The following CEP63 variants were observed in gnomAD, a reference collection of about 807,000 sequenced individuals.
CEP63 encodes the protein centrosomal protein of 63 kDa.
In CEP63, 84 loss-of-function variants were observed where a neutral mutation model predicts 89.1. The ratio of observed to expected loss-of-function variants is 0.94; its 90% CI spans 0.79 to 1.13. The LOEUF is 1.13. Ranked by LOEUF, CEP63 falls within the 50% of genes most tolerant of loss-of-function variation. CEP63 has a pLI of 0.00. For synonymous variants in CEP63, 267 were observed against 272.5 expected, an observed-to-expected ratio of 0.98 and a Z score of 0.20; for missense variants, 838 against 813.3, an observed-to-expected ratio of 1.03 and a Z score of -0.37.
chr3:134,656,190 A>G, the CEP63 span, among the ~76,000 whole-genome samples: 4 of 152,206 alleles, frequency 2.6e-5, no homozygotes, highest in Non-Finnish European at 4.4e-5. Context: ...AGGAGGGGCC[A>G]GGAAGGCTAC....
At chr3:134,667,517 G>A in the CEP63 span, among the ~76,000 whole-genome samples, 1 of 152,234 alleles carries the variant, frequency 6.6e-6, no homozygotes, top group East Asian at 1.9e-4. Flanking sequence ...TGGGTGAAAG[G>A]ACAAGGAATT....
chr3:134,615,992 A>G, the CEP63 span, among the ~76,000 whole-genome samples: 2 of 152,332 alleles, frequency 1.3e-5, no homozygotes, highest in Non-Finnish European at 2.9e-5. Context: ...GCTTTATCCA[A>G]CGTCTCTGAA....
the CEP63 span, among the ~76,000 whole-genome samples, chr3:134,688,348 A>T: frequency 6.6e-6 from 1 of 152,256 alleles, no homozygotes; most frequent in Non-Finnish European, 1.5e-5. Flanking sequence ...ATCTGTAGAG[A>T]CAGAAAGTAG....
intron 8 of CEP63, 138 bp downstream of exon 8, chr3:134,546,426 T>C: frequency 1.3e-6 from 1 of 776,712 alleles, no homozygotes; most frequent in African/African-American, 1.8e-5. Flanking sequence ...TGGTGCAATC[T>C]CAGCTCACTG....
the CEP63 span, among the ~76,000 whole-genome samples, chr3:134,595,829 G>C: frequency 6.6e-6 from 1 of 152,124 alleles, no homozygotes; most frequent in Non-Finnish European, 1.5e-5. Context: ...GATCAGCCTT[G>C]AGGACAACTG....
At chr3:134,658,556 A>G in the CEP63 span, among the ~76,000 whole-genome samples, 1 of 152,202 alleles carries the variant, frequency 6.6e-6, no homozygotes, top group African/African-American at 2.4e-5. Context: ...AAAGTGCTCA[A>G]CAAATGTTTG....
At chr3:134,651,227 CG>C in the CEP63 span, 2 of 1,271,468 alleles carry the variant, frequency 1.6e-6, no homozygotes, top group Non-Finnish European at 2.0e-6. Context: ...TGACCTGCAC[CG>C]GGGCCATAGT....
At chr3:134,762,398 G>A in the CEP63 span, among the ~76,000 whole-genome samples, 1 of 152,136 alleles carries the variant, frequency 6.6e-6, no homozygotes, top group Non-Finnish European at 1.5e-5. Flanking sequence ...CATGTGAGTG[G>A]GGCTGGGGGA....
rs796229720 is a variant in CEP63 at position 134,510,369 on chromosome 3, C to T, written c.222+3083C>T. ...GCCAGTGAAGCAGCAGGCACTGCTG[C>T]ATGTCATAGTCTAACACCTGCAATC... On this transcript the variant is annotated intron_variant, in intron 3 of 14. Coordinates refer to ENST00000675561, the MANE Select transcript of CEP63 (RefSeq NM_001353108.3). 4.9e-4 allele frequency among the ~76,000 whole-genome samples: 75 copies of T among 152,318 alleles called. 1 individual carries two copies. The highest frequency in any genetic ancestry group is 1.6e-3 in the African/African-American group (67 of 41,586).
At chr3:134,487,429 T>C (rs552417214) in intron 1 of CEP63, among the ~76,000 whole-genome samples, 147 of 152,336 alleles carry the variant, frequency 9.6e-4, no homozygotes, top group Middle Eastern at 3.4e-3. Context: ...GTAAAAATTG[T>C]GTATGTTGAT....
chr3:134,714,130 A>G, the CEP63 span, among the ~76,000 whole-genome samples: 16 of 152,200 alleles, frequency 1.1e-4, no homozygotes. Flanking sequence ...ACTGCAAGTT[A>G]TGGAGAAAAT....
chr3:134,568,984 G>A (rs1289496981), downstream of CEP63, among the ~76,000 whole-genome samples: 2 of 152,142 alleles, frequency 1.3e-5, no homozygotes, highest in African/African-American at 4.8e-5. Context: ...CTTACATGGA[G>A]GGCAGCAGGC....
At chr3:134,766,080 T>G in the CEP63 span, among the ~76,000 whole-genome samples, 1 of 152,196 alleles carries the variant, frequency 6.6e-6, no homozygotes, top group South Asian at 2.1e-4. Flanking sequence ...AATCAACTTG[T>G]GTGGGAAGAA....
the CEP63 span, among the ~76,000 whole-genome samples, chr3:134,623,340 C>T: frequency 6.6e-6 from 1 of 152,144 alleles, no homozygotes; most frequent in Admixed American, 6.5e-5. Context: ...CACCCACTTT[C>T]CTCATTCACA....
the CEP63 span, among the ~76,000 whole-genome samples, chr3:134,698,457 G>A: frequency 2.6e-5 from 4 of 152,072 alleles, no homozygotes; most frequent in Non-Finnish European, 5.9e-5. Context: ...GGGCATGGAG[G>A]GGCTGCCGTC....
the CEP63 span, among the ~76,000 whole-genome samples, chr3:134,616,972 G>A: frequency 6.6e-6 from 1 of 152,142 alleles, no homozygotes; most frequent in African/African-American, 2.4e-5. Context: ...AGAGGTTAAG[G>A]GCCTTACCAC....
chr3:134,742,778 C>T, the CEP63 span, among the ~76,000 whole-genome samples: 1 of 152,200 alleles, frequency 6.6e-6, no homozygotes, highest in African/African-American at 2.4e-5. Context: ...GGGTTCTCTC[C>T]CTTGCCCATC....
rs573888020 is a variant in CEP63, at chr3:134,582,231, C to T, written c.1207-5227C>T. Among the ~76,000 whole-genome samples, 352 of 152,094 alleles carry T rather than the reference C, an allele frequency of 2.3e-3. 2 individuals carry two copies. Among genetic ancestry groups the T allele is most frequent in the African/African-American group, 7.9e-3 (327 of 41,486 alleles). On this transcript the variant is annotated intron_variant, in intron 10 of 10. Transcript: ENST00000683931. ...TTCTAGGGTAGATGTGCACAACGTG[C>T]AGATCTGCCACATAGGTATACATGT...
the CEP63 span, among the ~76,000 whole-genome samples, chr3:134,644,528 C>T: frequency 6.6e-6 from 1 of 152,270 alleles, no homozygotes; most frequent in East Asian, 1.9e-4. Flanking sequence ...CTGGAGGTTC[C>T]CCCACCACTA....
Sources: gnomAD v4.1 joint callset for allele counts (sites outside exome capture counted in the v4.1 genomes callset) on GRCh38, gnomAD v4.1.1 for gene constraint, MANE v1.5 for transcripts, NCBI Gene and HGNC (gene_info 2026-07-23, HGNC 2026-07-21) for gene names.